Variants in ZNF568 observed in about 807,000 individuals in gnomAD.
ZNF568 encodes the protein p53 inhibitor of SCO2 activation.
ZNF568 carries 11 observed loss-of-function variants against 18.1 expected under a neutral mutation model. The ratio of observed to expected loss-of-function variants is 0.61; its 90% CI spans 0.38 to 1.00. ZNF568 has a LOEUF of 1.00. Ranked by LOEUF, ZNF568 falls within the 50% of genes least tolerant of loss-of-function variation. ZNF568 has a pLI of 0.01. For missense variants in ZNF568, 639 were observed against 768.2 expected (o/e 0.83, Z 1.99); for synonymous variants, 213 against 246.6 (o/e 0.86, Z 1.28).
In ZNF568 at chr19:36,938,804, T is replaced by A. The variant is rs572962635; in HGVS notation, c.358+1562T>A. Among the ~76,000 whole-genome samples the A allele has an allele frequency of 4.4e-4, 67 of 152,266 alleles. 2 individuals carry two copies. In the South Asian group the frequency reaches 0.013, roughly 30 times the overall value. On this transcript the variant is annotated intron_variant, in intron 6 of 6. Coordinates refer to ENST00000333987, the MANE Select transcript of ZNF568 (RefSeq NM_198539.4). ...GGTGACTTATTTTCCAGGATGCCTA[T>A]AGGTTTCTTTTTCTTTAAAGCTTAA...
In ZNF568 at chr19:36,939,294, C is replaced by G. The variant is rs113610365; in HGVS notation, c.358+2052C>G. ...TTGTCAGGGCCAGATGAAGTCCATT[C>G]TGTACCTGCCACAATTTCAAGACAT... On this transcript the variant is annotated intron_variant, in intron 6 of 6. Transcript: ENST00000333987. Among the ~76,000 whole-genome samples the G allele has an allele frequency of 3.2e-3, 482 of 152,184 alleles. 3 individuals carry two copies. Among genetic ancestry groups the G allele is most frequent in the African/African-American group, 0.011 (463 of 41,528 alleles).
intron 6 of ZNF568, among the ~76,000 whole-genome samples, chr19:36,974,038 C>G (rs971303916): frequency 7.2e-5 from 11 of 152,090 alleles, no homozygotes; most frequent in African/African-American, 2.7e-4. Flanking sequence ...GTTCTTTCAC[C>G]CAGTAGCCAC....
At chr19:36,977,822 C>T (rs980039236) in intron 7 of ZNF568, among the ~76,000 whole-genome samples, 1 of 152,170 alleles carries the variant, frequency 6.6e-6, no homozygotes, top group African/African-American at 2.4e-5. Context: ...GAATCTTAGC[C>T]CATTTCTGCC....
chr19:36,944,013 T>C (rs528744623), intron 6 of ZNF568, among the ~76,000 whole-genome samples: 1 of 152,270 alleles, frequency 6.6e-6, no homozygotes, highest in Admixed American at 6.5e-5. Flanking sequence ...TTGTGGAGAC[T>C]GCAGTCTGAG....
intron 3 of ZNF568, chr19:36,991,611 A>T: frequency 1.5e-6 from 1 of 681,512 alleles, no homozygotes; most frequent in Non-Finnish European, 2.3e-6. Context: ...GAAAGGAATT[A>T]ATGTTGATTT....
In ZNF568 at chr19:36,950,065, A is replaced by AT. The variant is rs1480000574; in HGVS notation, c.912_913insT (p.Pro305SerfsTer5). ...ACCACAGAATTCATACTGGGGAGAAACCTTATGCATGTAAGGATTGTTGGA... is the reference window on the plus strand; with the variant it reads ...ACCACAGAATTCATACTGGGGAGAAATCCTTATGCATGTAAGGATTGTTGGA... On this transcript the variant is annotated frameshift_variant, in exon 7 of 7. Transcript: ENST00000333987. LOFTEE classifies it low-confidence loss of function (END_TRUNC). The AT allele has an allele frequency of 1.9e-6, 3 of 1,613,804 alleles. No homozygotes were observed. Among genetic ancestry groups the AT allele is most frequent in the Non-Finnish European group, 2.5e-6 (3 of 1,179,914 alleles).
chr19:36,981,671 T>C (rs577021651), downstream of ZNF568, among the ~76,000 whole-genome samples: 3 of 152,186 alleles, frequency 2.0e-5, no homozygotes, highest in East Asian at 5.8e-4. Context: ...GCCCAGCAGT[T>C]TGAGACCAGC....
chr19:36,971,514 A>G (rs1160337433), intron 6 of ZNF568, among the ~76,000 whole-genome samples: 1 of 152,244 alleles, frequency 6.6e-6, no homozygotes, highest in African/African-American at 2.4e-5. Flanking sequence ...AAAAAAAGTC[A>G]CAATTACACA....
Position 36,949,902 on chromosome 19 carries a change from AC to A in ZNF568, c.750del (p.Tyr250Ter), listed in dbSNP as rs2074028982. On this transcript the variant is annotated frameshift_variant, in exon 7 of 7. Coordinates refer to ENST00000333987, the MANE Select transcript of ZNF568 (RefSeq NM_198539.4). LOFTEE classifies it low-confidence loss of function (END_TRUNC). ...CGAATTCATGCTGGAGAGAAACCTT[AC>A]GAATGTAAAGAATGTGGAAAAGCCT... ...HERIHAGEKP[Y>X]ECKECGKAFS... 6.2e-7 allele frequency: 1 copy of A among 1,613,920 alleles called. No individual in the cohort carries two copies.
intron 4 of ZNF568, among the ~76,000 whole-genome samples, chr19:36,994,653 C>CT (rs1231401185): frequency 1.3e-5 from 2 of 152,012 alleles, no homozygotes; most frequent in Non-Finnish European, 2.9e-5. Flanking sequence ...ATAAAATATC[C>CT]TTTTTTCTGA....
downstream of ZNF568, chr19:36,997,691 G>T (rs1408749094): frequency 2.1e-6 from 2 of 974,580 alleles, no homozygotes; most frequent in East Asian, 2.6e-5. Context: ...CAACATCAAA[G>T]AATTCATTCA....
At chr19:36,948,553 G>A (rs1473955999) in intron 6 of ZNF568, among the ~76,000 whole-genome samples, 5 of 151,982 alleles carry the variant, frequency 3.3e-5, no homozygotes, top group Non-Finnish European at 1.5e-5. Flanking sequence ...TTCCAAAGTG[G>A]CTGTACCATT....
downstream of ZNF568, among the ~76,000 whole-genome samples, chr19:36,984,847 T>C (rs143770916): frequency 1.6e-3 from 250 of 152,290 alleles, 1 homozygote; most frequent in Admixed American, 5.9e-3. Context: ...TAATCTCAAA[T>C]TGCTTTTCAC....
intron 4 of ZNF568, among the ~76,000 whole-genome samples, chr19:36,929,065 T>C (rs2073634707): frequency 6.6e-6 from 1 of 152,154 alleles, no homozygotes. Context: ...GAATGTCATG[T>C]GCCATGCTCT....
chr19:36,929,132 AT>A (rs960085322), intron 4 of ZNF568, among the ~76,000 whole-genome samples: 7 of 149,570 alleles, frequency 4.7e-5, no homozygotes, highest in African/African-American at 1.7e-4. Flanking sequence ...GGAAAAAAAA[AT>A]TTTATAAAAA....
In ZNF568 at chr19:36,922,795, A is replaced by G. The variant is rs144149478; in HGVS notation, c.25A>G (p.Ser9Gly). ...AATGACATCTCAATCTTCAGTGATC[A>G]GCAATAGCTGTGTGACAATGGAGCG... MTSQSSVI[S>G]NSCVTMERLS... Residue 9 changes from serine (S) to glycine (G), a missense_variant, in exon 3 of 7, where the codon AGC (serine) becomes GGC (glycine). Transcript: ENST00000333987. 14 of 1,614,116 alleles carry G rather than the reference A, an allele frequency of 8.7e-6. No homozygotes were observed. In the East Asian group the frequency reaches 3.1e-4, roughly 36 times the overall value.
intron 6 of ZNF568, among the ~76,000 whole-genome samples, chr19:36,961,807 GCCA>G (rs1406531204): frequency 6.6e-6 from 1 of 151,484 alleles, no homozygotes; most frequent in African/African-American, 2.4e-5. Context: ...ACAGGCGTGA[GCCA>G]CTGACCTGGC....
chr19:36,991,510 A>T lies in ZNF568; in HGVS notation c.133+211A>T. Reference sequence around the variant, plus strand: ...AGGCACCTTTATCTTCATTATTTTCATACCTCCCTTCTTGGAGCTGTGATT... The same window carrying T: ...AGGCACCTTTATCTTCATTATTTTCTTACCTCCCTTCTTGGAGCTGTGATT... On this transcript the variant is annotated intron_variant, in intron 3 of 4. Transcript: ENST00000433993. 2 of 672,608 alleles carry T rather than the reference A, an allele frequency of 3.0e-6. 1 individual carries two copies. Among genetic ancestry groups the T allele is most frequent in the Non-Finnish European group, 4.7e-6 (2 of 427,182 alleles). The allele number at this position is 672,608 out of a possible 1,614,324, so 41.7% of individuals were successfully genotyped here. A position where few individuals can be genotyped will look rare whatever the true frequency, so the allele number is the denominator to read the frequency against.
chr19:36,922,847 G>A lies in ZNF568; in HGVS notation c.76+1G>A. ...TTGAGCCACATGATGGAAAGGAAAG[G>A]TGAGGTGGCTCATAGGTGGACAGAG... On this transcript the variant is annotated splice_donor_variant, in intron 3 of 6. Transcript: ENST00000333987. LOFTEE classifies it high-confidence loss of function. 6.2e-7 allele frequency: 1 copy of A among 1,613,898 alleles called. No individual in the cohort carries two copies. Among genetic ancestry groups the A allele is most frequent in the Non-Finnish European group, 8.5e-7 (1 of 1,179,850 alleles).
Sources: allele counts gnomAD v4.1 joint callset (sites outside exome capture counted in the v4.1 genomes callset), GRCh38; gene constraint gnomAD v4.1.1; transcripts MANE v1.5; gene names NCBI Gene and HGNC (gene_info 2026-07-23, HGNC 2026-07-21).